The following SDK1 variants were observed in gnomAD, a reference collection of about 807,000 sequenced individuals.
SDK1 encodes sidekick cell adhesion molecule 1.
Under a neutral mutation model 245.5 loss-of-function variants are expected in SDK1, and 157 were observed. That is an observed-to-expected ratio of 0.64 (90% CI 0.56 to 0.73). The LOEUF (loss-of-function observed/expected upper bound fraction) is 0.73. SDK1 is among the 30% of genes least tolerant of loss of function. The pLI is 0.00. For missense variants in SDK1, 3,583 were observed against 3,002.3 expected (o/e 1.19, Z -4.52); for synonymous variants, 1,647 against 1,278.5 (o/e 1.29, Z -6.15).
At chr7:3,390,300 T>A (rs1781716811) in intron 1 of SDK1, among the ~76,000 whole-genome samples, 1 of 152,188 alleles carries the variant, frequency 6.6e-6, no homozygotes, top group Non-Finnish European at 1.5e-5. Flanking sequence ...TCATTTAGAA[T>A]GTCAAATATA....
intron 1 of SDK1, among the ~76,000 whole-genome samples, chr7:3,328,864 G>A (rs1779999089): frequency 6.6e-6 from 1 of 152,044 alleles, no homozygotes; most frequent in South Asian, 2.1e-4. Context: ...TTGTTTTAAA[G>A]TAAGTAGAAG....
At chr7:3,641,027 A>T (rs970311672) in intron 3 of SDK1, among the ~76,000 whole-genome samples, 4 of 151,942 alleles carry the variant, frequency 2.6e-5, no homozygotes, top group African/African-American at 9.7e-5. Context: ...TTGCTTTGAT[A>T]ACAAATTTCA....
chr7:3,984,128 T>A (rs1783635639), intron 13 of SDK1, among the ~76,000 whole-genome samples: 2 of 152,316 alleles, frequency 1.3e-5, no homozygotes, highest in South Asian at 2.1e-4. Context: ...ATCTGTTGCT[T>A]GTGGTCTGCT....
chr7:3,313,751 G>A (rs1779602731), intron 1 of SDK1, among the ~76,000 whole-genome samples: 1 of 152,082 alleles, frequency 6.6e-6, no homozygotes, highest in Non-Finnish European at 1.5e-5. Context: ...TGTACAACAT[G>A]GTGACTATAA....
Position 4,257,344 on chromosome 7 carries a change from C to T in SDK1, c.6382-7780C>T, listed in dbSNP as rs556282246. On this transcript the variant is annotated intron_variant, in intron 44 of 44. Transcript: ENST00000404826. Reference sequence around the variant, plus strand: ...CACTTTCTGTCCTTCTACAGTTTCCCGGGAAACCGACACACGTTGCTACTT... The same window carrying T: ...CACTTTCTGTCCTTCTACAGTTTCCTGGGAAACCGACACACGTTGCTACTT... 9.2e-4 allele frequency among the ~76,000 whole-genome samples: 140 copies of T among 152,274 alleles called. 1 individual carries two copies. The highest frequency in any genetic ancestry group is 3.4e-3 in the African/African-American group (140 of 41,558).
intron 1 of SDK1, among the ~76,000 whole-genome samples, chr7:3,610,577 A>G (rs537156006): frequency 6.6e-6 from 1 of 152,380 alleles, no homozygotes; most frequent in East Asian, 1.9e-4. Context: ...ACTGAAATAG[A>G]TTAGCACAGT....
chr7:3,370,550 A>T (rs946903582), intron 1 of SDK1, among the ~76,000 whole-genome samples: 1 of 152,244 alleles, frequency 6.6e-6, no homozygotes, highest in African/African-American at 2.4e-5. Flanking sequence ...TTTCTGGAGT[A>T]ACGTGGTGGT....
At chr7:3,598,311 A>G (rs1414373181) in intron 1 of SDK1, among the ~76,000 whole-genome samples, 2 of 152,164 alleles carry the variant, frequency 1.3e-5, no homozygotes, top group African/African-American at 4.8e-5. Flanking sequence ...TTCTTGCAAG[A>G]TATGCATTAT....
chr7:3,561,347 T>G (rs902728842), intron 1 of SDK1, among the ~76,000 whole-genome samples: 2 of 152,216 alleles, frequency 1.3e-5, no homozygotes, highest in Non-Finnish European at 2.9e-5. Flanking sequence ...TCCTTGGGCG[T>G]CAGGGATGGA....
intron 5 of SDK1, among the ~76,000 whole-genome samples, chr7:3,881,328 C>T (rs768977973): frequency 3.3e-5 from 5 of 152,254 alleles, no homozygotes; most frequent in Non-Finnish European, 5.9e-5. Context: ...CGTTCAGCTC[C>T]CACTTAGAAG....
intron 1 of SDK1, among the ~76,000 whole-genome samples, chr7:3,477,871 CTG>C (rs1781396092): frequency 6.6e-6 from 1 of 152,062 alleles, no homozygotes; most frequent in Non-Finnish European, 1.5e-5. Flanking sequence ...GAAATTTTAT[CTG>C]TATTTCCTCT....
At position 3,588,480 on chromosome 7, in the gene SDK1, G is replaced by A. The variant is rs144344511; in HGVS notation, c.299-30600G>A. 6.9e-3 allele frequency among the ~76,000 whole-genome samples: 1,047 copies of A among 152,276 alleles called. 37 individuals are homozygous for A. The highest frequency in any genetic ancestry group is 0.014 in the East Asian group (72 of 5,172). On this transcript the variant is annotated intron_variant, in intron 1 of 44. Transcript: ENST00000404826. ...CCTCTGAAAGCCCCCAGCTCGAAGT[G>A]TTTAGTTTTTCTTCTGTGAGGTGTG...
chr7:3,475,900 CATTA>C (rs971322688), intron 1 of SDK1, among the ~76,000 whole-genome samples: 1 of 152,144 alleles, frequency 6.6e-6, no homozygotes, highest in Admixed American at 6.5e-5. Flanking sequence ...CTGCCCAAAC[CATTA>C]ATTAAACATT....
At chr7:3,502,137 G>T (rs1275760253) in intron 1 of SDK1, among the ~76,000 whole-genome samples, 1 of 151,828 alleles carries the variant, frequency 6.6e-6, no homozygotes, top group East Asian at 1.9e-4. Context: ...TAGAAATTCA[G>T]GTGTACACAA....
intron 19 of SDK1, among the ~76,000 whole-genome samples, chr7:4,058,057 A>G (rs1343130188): frequency 6.6e-6 from 1 of 152,236 alleles, no homozygotes; most frequent in Non-Finnish European, 1.5e-5. Flanking sequence ...ACAGATTCCA[A>G]TGAAAAAGAA....
intron 1 of SDK1, among the ~76,000 whole-genome samples, chr7:3,340,590 G>A (rs1033786646): frequency 2.6e-5 from 4 of 151,960 alleles, no homozygotes; most frequent in African/African-American, 7.3e-5. Flanking sequence ...GTGAAACCCC[G>A]TCTCTACTAA....
At chr7:3,789,938 A>G (rs1781029094) in intron 4 of SDK1, among the ~76,000 whole-genome samples, 5 of 152,098 alleles carry the variant, frequency 3.3e-5, no homozygotes, top group Admixed American at 1.3e-4. Flanking sequence ...GTAGGGGGCA[A>G]GTGGCAGGAG....
At chr7:3,352,837 G>A (rs1045468951) in intron 1 of SDK1, among the ~76,000 whole-genome samples, 12 of 152,030 alleles carry the variant, frequency 7.9e-5, no homozygotes, top group Non-Finnish European at 1.5e-4. Flanking sequence ...CAGTGTCTGG[G>A]GAGGAAATGA....
At chr7:3,456,303 T>A (rs1297563827) in intron 1 of SDK1, among the ~76,000 whole-genome samples, 1 of 152,220 alleles carries the variant, frequency 6.6e-6, no homozygotes, top group Non-Finnish European at 1.5e-5. Context: ...AAATATTCTT[T>A]CAGCCCCAGC....
Sources: gnomAD v4.1 joint callset for allele counts (sites outside exome capture counted in the v4.1 genomes callset) on GRCh38, gnomAD v4.1.1 for gene constraint, MANE v1.5 for transcripts, NCBI Gene and HGNC (gene_info 2026-07-23, HGNC 2026-07-21) for gene names.